The following SPINK5 variants were observed in gnomAD, a reference collection of about 807,000 sequenced individuals.
The protein encoded by SPINK5 is serine peptidase inhibitor Kazal type 5, also known as serine protease inhibitor Kazal-type 5.
SPINK5 carries 125 observed loss-of-function variants against 151.8 expected under a neutral mutation model. The ratio of observed to expected loss-of-function variants is 0.82; its 90% CI spans 0.71 to 0.96. The LOEUF is 0.96. SPINK5 is among the 40% of genes least tolerant of loss of function. The pLI is 0.00. For synonymous variants in SPINK5, 374 were observed against 395.3 expected (o/e 0.95, Z 0.64); for missense variants, 1,194 against 1,291.9 (o/e 0.92, Z 1.16).
chr5:148,108,674 A>T, intron 17 of SPINK5, 79 bp from the exon 18 acceptor site: 4 of 1,568,312 alleles, frequency 2.6e-6, no homozygotes, highest in African/African-American at 1.4e-5. Context: ...GGTTTGGAAG[A>T]TCCTCATTCC....
intron 31 of SPINK5, 56 bp downstream of exon 31, chr5:148,131,445 T>TGTTA: frequency 6.2e-7 from 1 of 1,609,364 alleles, no homozygotes; most frequent in Non-Finnish European, 8.5e-7. Context: ...TCAGCTAGAG[T>TGTTA]GTTAACCCAT....
chr5:148,119,894 A>G (rs1263594544), intron 24 of SPINK5, 115 bp from the exon 25 acceptor site: 2 of 1,181,566 alleles, frequency 1.7e-6, no homozygotes, highest in Non-Finnish European at 2.5e-6. Context: ...TATTTTGCCT[A>G]TCACAGCAAG....
At chr5:148,078,287 A>C (rs1752935597) in intron 4 of SPINK5, among the ~76,000 whole-genome samples, 1 of 151,158 alleles carries the variant, frequency 6.6e-6, no homozygotes, top group Non-Finnish European at 1.5e-5. Context: ...AAATTTATAT[A>C]ACAAAAAATG....
chr5:148,097,181 C>T (rs569046948), intron 10 of SPINK5, among the ~76,000 whole-genome samples: 8 of 151,800 alleles, frequency 5.3e-5, no homozygotes, highest in South Asian at 2.1e-4. Flanking sequence ...AAATCCTCCA[C>T]ACATCTGGTT....
chr5:148,070,597 C>T (rs1478048169), intron 3 of SPINK5, 147 bp downstream of exon 3: 6 of 1,026,170 alleles, frequency 5.8e-6, no homozygotes, highest in Admixed American at 5.0e-5. Context: ...TGACATTTCC[C>T]ATCAGATAAA....
chr5:148,118,506 G>A lies in SPINK5; in HGVS notation c.2182G>A (p.Val728Ile). 1 of 1,614,140 alleles carries A rather than the reference G, an allele frequency of 6.2e-7. No homozygotes were observed. Among genetic ancestry groups the A allele is most frequent in the Non-Finnish European group, 8.5e-7 (1 of 1,180,008 alleles). Residue 728 changes from valine to isoleucine, a missense_variant, in exon 23 of 33, where the codon GTA becomes ATA. Val to Ile is a conservative substitution (Grantham distance 29). Transcript: ENST00000256084. ...RLSCTRESDP[V>I]RDADGKSYNN... Reference sequence around the variant, plus strand: ...CAGCTGTACTCGGGAGAGTGATCCTGTACGTGATGCTGATGGCAAATCGTA... The same window carrying A: ...CAGCTGTACTCGGGAGAGTGATCCTATACGTGATGCTGATGGCAAATCGTA...
At chr5:148,107,314 A>C in intron 17 of SPINK5, 150 bp downstream of exon 17, 1 of 1,092,090 alleles carries the variant, frequency 9.2e-7, no homozygotes, top group South Asian at 1.4e-5. Flanking sequence ...GTAATATTGA[A>C]TCATATAGTG....
Position 148,101,450 on chromosome 5 carries a change from C to T in SPINK5, c.1302+14C>T, listed in dbSNP as rs760549948. The T allele has an allele frequency of 3.1e-6, 5 of 1,588,826 alleles. No individual in the cohort carries two copies. The highest frequency in any genetic ancestry group is 1.7e-5 in the Admixed American group (1 of 59,844). On this transcript the variant is annotated intron_variant, in intron 14 of 32. Transcript: ENST00000256084. ...GCTTCCTTTGAGGTGAGTTTATATC[C>T]TCCAGCAACTCAGAGGGATATGGCC...
At chr5:148,069,618 A>G (rs2127188594) in intron 2 of SPINK5, among the ~76,000 whole-genome samples, 1 of 152,152 alleles carries the variant, frequency 6.6e-6, no homozygotes, top group Middle Eastern at 3.4e-3. Flanking sequence ...TGGGGGTGGA[A>G]GTATGGGTAC....
At chr5:148,098,484 T>TCTTA (rs33984298) in intron 11 of SPINK5, among the ~76,000 whole-genome samples, 70,090 of 151,594 alleles carry the variant, frequency 0.46, 16,928 homozygotes, top group Admixed American at 0.59. Flanking sequence ...TTACGATAGC[T>TCTTA]CTTTATTTGG....
rs759028495 is a variant in SPINK5 at position 148,101,922 on chromosome 5, T to C, written c.1430+14T>C. The stretch of plus-strand genomic sequence containing the variant: ...TGAGGCCTTCTTGTGAGTAGAGCAG[T>C]AGCCCCATAGCGTCTGAGGATTGAG... On this transcript the variant is annotated intron_variant, in intron 15 of 32. Transcript: ENST00000256084. 6.2e-7 allele frequency: 1 copy of C among 1,613,344 alleles called. No homozygotes were observed.
intron 6 of SPINK5, 97 bp downstream of exon 6, chr5:148,088,702 A>G (rs887783334): frequency 5.7e-6 from 7 of 1,234,566 alleles, no homozygotes; most frequent in Non-Finnish European, 8.3e-6. Context: ...GAGCCTTGGA[A>G]GGAATTAATT....
intron 3 of SPINK5, 65 bp downstream of exon 3, chr5:148,070,515 A>G: frequency 1.3e-6 from 2 of 1,596,540 alleles, no homozygotes; most frequent in Non-Finnish European, 1.7e-6. Flanking sequence ...GAACTGGTAA[A>G]TGTATTCTTT....
At chr5:148,087,885 C>A (rs1366021067) in intron 5 of SPINK5, among the ~76,000 whole-genome samples, 2 of 151,566 alleles carry the variant, frequency 1.3e-5, no homozygotes, top group Non-Finnish European at 2.9e-5. Flanking sequence ...CAGCTGATAT[C>A]CTTTGAAATA....
chr5:148,079,241 T>A (rs1434968933), intron 4 of SPINK5, among the ~76,000 whole-genome samples: 4 of 151,086 alleles, frequency 2.6e-5, no homozygotes, highest in Non-Finnish European at 4.5e-5. Flanking sequence ...TGGAAAATCA[T>A]AATAGACTTA....
At chr5:148,073,576 C>T (rs952838228) in intron 4 of SPINK5, among the ~76,000 whole-genome samples, 3 of 151,480 alleles carry the variant, frequency 2.0e-5, no homozygotes, top group Admixed American at 6.6e-5. Context: ...CCTCTGTCTT[C>T]ATCATAAAAA....
chr5:148,119,025 C>G lies in SPINK5; in HGVS notation c.2280C>G (p.Ser760=). 2 of 1,614,026 alleles carry G rather than the reference C, an allele frequency of 1.2e-6. No homozygotes were observed. Among genetic ancestry groups the G allele is most frequent in the South Asian group, 2.2e-5 (2 of 91,078 alleles). The change falls in exon 24 of 33, where the codon TCC becomes TCG. Residue 760 remains serine, a synonymous_variant. Coordinates refer to ENST00000256084, the MANE Select transcript of SPINK5 (RefSeq NM_006846.4). ...AGAGAAAAAATGAGTATTCTCGCTC[C>G]AGATCAAATGGGACTGGATCAGAAT... The part of the protein sequence containing the change: ...EAERKNEYSR[S]RSNGTGSESG...
intron 30 of SPINK5, among the ~76,000 whole-genome samples, chr5:148,128,576 C>T (rs555716818): frequency 6.6e-5 from 10 of 151,982 alleles, no homozygotes; most frequent in South Asian, 2.1e-4. Flanking sequence ...TCGCCCAGGC[C>T]GGAGTGCAGT....
chr5:148,114,285 A>G (rs1440405229), intron 20 of SPINK5, 77 bp from the exon 21 acceptor site: 10 of 1,455,984 alleles, frequency 6.9e-6, no homozygotes, highest in African/African-American at 4.8e-5. Flanking sequence ...TTTTTTTTCT[A>G]TAAAGCACTT....
Sources: allele counts gnomAD v4.1 joint callset (sites outside exome capture counted in the v4.1 genomes callset), GRCh38; gene constraint gnomAD v4.1.1; transcripts MANE v1.5; gene names NCBI Gene and HGNC (gene_info 2026-07-23, HGNC 2026-07-21).